Variants in PCDHGA8 observed in about 807,000 individuals in gnomAD.
PCDHGA8 encodes protocadherin gamma-A8.
A neutral mutation model predicts 59.2 loss-of-function variants in PCDHGA8; 45 were observed. The observed-to-expected ratio is 0.76, with a 90% CI of 0.60 to 0.98. PCDHGA8 has a LOEUF of 0.98. Ranked by LOEUF, PCDHGA8 falls within the 50% of genes least tolerant of loss-of-function variation. PCDHGA8 has a pLI of 0.00. For synonymous variants in PCDHGA8, 531 were observed against 519.0 expected, an observed-to-expected ratio of 1.02 and a Z score of -0.32; for missense variants, 1,257 against 1,196.2, an observed-to-expected ratio of 1.05 and a Z score of -0.75.
Position 141,459,075 on chromosome 5 carries a change from G to C in PCDHGA8, c.2425-35732G>C, listed in dbSNP as rs562572838. ...GTATAATTTATATAACATAAAATTT[G>C]CCTTTTAAAATTATACAGTGCAATG... On this transcript the variant is annotated intron_variant, in intron 1 of 3. Transcript: ENST00000398604. 4.6e-5 allele frequency among the ~76,000 whole-genome samples: 7 copies of C among 152,252 alleles called. No individual in the cohort carries two copies. The East Asian group carries it at 1.4e-3, about 29-fold the overall frequency.
At chr5:141,417,706 A>T in intron 1 of PCDHGA8, 1 of 1,214,910 alleles carries the variant, frequency 8.2e-7, no homozygotes, top group Non-Finnish European at 1.1e-6. Flanking sequence ...TCCCACACAG[A>T]GGCTCCCGGC....
intron 1 of PCDHGA8, among the ~76,000 whole-genome samples, chr5:141,483,557 G>A (rs141633312): frequency 4.5e-4 from 69 of 152,276 alleles, no homozygotes; most frequent in Admixed American, 1.9e-3. Context: ...GCCATTCACA[G>A]AGACAGTGAA....
At chr5:141,409,745 T>G (rs968473065) in intron 1 of PCDHGA8, 9 of 1,613,074 alleles carry the variant, frequency 5.6e-6, no homozygotes, top group Non-Finnish European at 7.6e-6. Flanking sequence ...CGGGGTGGTG[T>G]TCGCGCAGCG....
At chr5:141,410,849 C>CTTTTTTTTTTTTTTTTTTTCTT (rs2095436178) in intron 1 of PCDHGA8, 1 of 129,786 alleles carries the variant, frequency 7.7e-6, no homozygotes, top group Non-Finnish European at 1.3e-5. Context: ...TTGTCTTTGT[C>CTTTTTTTTTTTTTTTTTTTCTT]TTTTTTTTTT....
intron 1 of PCDHGA8, among the ~76,000 whole-genome samples, chr5:141,437,980 C>T (rs1198278358): frequency 1.3e-5 from 2 of 152,050 alleles, no homozygotes; most frequent in Non-Finnish European, 2.9e-5. Flanking sequence ...TTGGGATGCA[C>T]CCACCCCACC....
intron 2 of PCDHGA8, among the ~76,000 whole-genome samples, chr5:141,501,109 C>T (rs909874167): frequency 2.0e-5 from 3 of 152,106 alleles, no homozygotes; most frequent in South Asian, 2.1e-4. Context: ...CCTCGTGATC[C>T]GCCTGCCTCA....
intron 1 of PCDHGA8, among the ~76,000 whole-genome samples, chr5:141,464,397 C>T (rs1352852782): frequency 1.3e-5 from 2 of 150,158 alleles, no homozygotes; most frequent in Non-Finnish European, 3.0e-5. Context: ...TAATGAAGAA[C>T]CTGAGATATA....
Position 141,489,417 on chromosome 5 carries a change from G to A in PCDHGA8, c.2425-5390G>A, listed in dbSNP as rs1020232739. On this transcript the variant is annotated intron_variant, in intron 1 of 3. Coordinates refer to ENST00000398604, the MANE Select transcript of PCDHGA8 (RefSeq NM_032088.2). This position sits in a 1 kb window ranked among gnomAD's most constrained non-coding sequence, Gnocchi z 4.5. ...ATCTGGGCTTAAAGATGACAGATCT[G>A]TTGAGCCGGCGGCTGCAATTGGGCT... The A allele has an allele frequency of 1.2e-6, 2 of 1,614,172 alleles. No individual in the cohort carries two copies. The highest frequency in any genetic ancestry group is 3.3e-5 in the Admixed American group (2 of 60,030).
At chr5:141,440,106 T>A (rs1288263875) in intron 1 of PCDHGA8, 1 of 152,228 alleles carries the variant, frequency 6.6e-6, no homozygotes, top group East Asian at 1.9e-4. Flanking sequence ...AGTGGAGACT[T>A]ACTTGTGAAT....
Position 141,485,875 on chromosome 5 carries a change from C to T in PCDHGA8, c.2425-8932C>T, listed in dbSNP as rs1254918181. The T allele has an allele frequency of 1.9e-6, 3 of 1,614,150 alleles. No homozygotes were observed. The highest frequency in any genetic ancestry group is 2.2e-5 in the East Asian group (1 of 44,862). On this transcript the variant is annotated intron_variant, in intron 1 of 3. Transcript: ENST00000398604. This position sits in a 1 kb window ranked among gnomAD's most constrained non-coding sequence, Gnocchi z 5.7. ...CAGAGCTCCGGGTATCCGTGCTGGACGTAAACGACAACGCCCCAGCCTTCC... is the reference window on the plus strand; with the variant it reads ...CAGAGCTCCGGGTATCCGTGCTGGATGTAAACGACAACGCCCCAGCCTTCC...
chr5:141,415,772 T>TC, intron 1 of PCDHGA8: 1 of 1,332,986 alleles, frequency 7.5e-7, no homozygotes. Context: ...TTTTTTTTTT[T>TC]ACTTTCTGGT....
In PCDHGA8 at chr5:141,495,260, G is replaced by A. The variant is rs368797742; in HGVS notation, c.2483+395G>A. On this transcript the variant is annotated intron_variant, in intron 2 of 3. Transcript: ENST00000398604. ...TATGACCTGGGGCTCAGGCAGAAAA[G>A]CATTTGACCGGAGGAGGCGGTCCGC... Among the ~76,000 whole-genome samples the A allele has an allele frequency of 3.3e-5, 5 of 152,208 alleles. No individual in the cohort carries two copies. The East Asian group carries it at 5.8e-4, about 18-fold the overall frequency.
Position 141,394,001 on chromosome 5 carries a change from G to A in PCDHGA8, c.1188G>A (p.Lys396=), listed in dbSNP as rs766773377. Residue 396 remains lysine, a synonymous_variant, in exon 1 of 4, where the codon AAG becomes AAA. Coordinates refer to ENST00000398604, the MANE Select transcript of PCDHGA8 (RefSeq NM_032088.2). ...TRDNLPFKLE[K]SIGNYYRLVT... Reference sequence around the variant, plus strand: ...ATAATTTACCTTTTAAATTAGAAAAGTCAATAGGTAATTATTATAGATTAG... The same window carrying A: ...ATAATTTACCTTTTAAATTAGAAAAATCAATAGGTAATTATTATAGATTAG... 2.5e-6 allele frequency: 4 copies of A among 1,613,340 alleles called. No homozygotes were observed. The highest frequency in any genetic ancestry group is 1.7e-5 in the Admixed American group (1 of 59,926).
rs1427881816 is a variant in PCDHGA8 at position 141,486,740 on chromosome 5, T to C, written c.2425-8067T>C. ...AGGAGCTGTTCATGCTACTCGATCC[T>C]TTGACTATGAGCAAACCCAGACACT... On this transcript the variant is annotated intron_variant, in intron 1 of 3. Coordinates refer to ENST00000398604, the MANE Select transcript of PCDHGA8 (RefSeq NM_032088.2). The surrounding 1 kb of genome is among the most constrained non-coding windows in gnomAD (Gnocchi z 5.0). 6.2e-7 allele frequency: 1 copy of C among 1,614,234 alleles called. No homozygotes were observed. Among genetic ancestry groups the C allele is most frequent in the Admixed American group, 1.7e-5 (1 of 60,026 alleles).
At chr5:141,423,572 G>A (rs1239529114) in intron 1 of PCDHGA8, 1 of 1,613,510 alleles carries the variant, frequency 6.2e-7, no homozygotes, top group Admixed American at 1.7e-5. Flanking sequence ...ACGCTCATCA[G>A]CCAGGAGAGC....
chr5:141,399,362 C>T (rs182743080), intron 1 of PCDHGA8: 5 of 1,613,990 alleles, frequency 3.1e-6, no homozygotes, highest in East Asian at 2.2e-5. Context: ...GAGCAAACCC[C>T]GGAGTACAAT....
At chr5:141,503,474 T>C (rs2099820145) in intron 2 of PCDHGA8, among the ~76,000 whole-genome samples, 1 of 151,828 alleles carries the variant, frequency 6.6e-6, no homozygotes, top group South Asian at 2.1e-4. Context: ...ATGTGTGCAC[T>C]TGTCGTCCCA....
Position 141,394,189 on chromosome 5 carries a change from C to T in PCDHGA8, c.1376C>T (p.Ala459Val), listed in dbSNP as rs543330174. Residue 459 changes from alanine to valine, a missense_variant, in exon 1 of 4, where the codon GCG becomes GTG. Coordinates refer to ENST00000398604, the MANE Select transcript of PCDHGA8 (RefSeq NM_032088.2). ...ACTTTCCCTCATGCCTCCTACTCAGCGTATATCCTAGAGAACAACCTGAGA... is the reference window on the plus strand; with the variant it reads ...ACTTTCCCTCATGCCTCCTACTCAGTGTATATCCTAGAGAACAACCTGAGA... Reference protein sequence around the residue: ...PPTFPHASYSAYILENNLRGA... With the variant: ...PPTFPHASYSVYILENNLRGA... 1 of 1,613,892 alleles carries T rather than the reference C, an allele frequency of 6.2e-7. No individual in the cohort carries two copies. The highest frequency in any genetic ancestry group is 1.7e-5 in the Admixed American group (1 of 60,006).
intron 1 of PCDHGA8, chr5:141,408,609 A>G (rs765291231): frequency 1.2e-5 from 19 of 1,613,970 alleles, no homozygotes; most frequent in Non-Finnish European, 3.4e-6. Flanking sequence ...TTTGATAAAA[A>G]GGAAATACAT....
Sources: gnomAD v4.1 joint callset for allele counts (sites outside exome capture counted in the v4.1 genomes callset) on GRCh38, gnomAD v4.1.1 for gene constraint, Gnocchi (gnomAD v3.1) non-coding constraint, MANE v1.5 for transcripts, NCBI Gene and HGNC (gene_info 2026-07-23, HGNC 2026-07-21) for gene names.